Variants in SMG6 observed in about 807,000 individuals in gnomAD.
SMG6 encodes the protein SMG6 nonsense mediated mRNA decay factor.
A neutral mutation model predicts 142.2 loss-of-function variants in SMG6; 66 were observed. That is an observed-to-expected ratio of 0.46 (90% CI 0.38 to 0.57). The LOEUF is 0.57. Among genes scored for constraint, SMG6 ranks in the 20% least tolerant of loss-of-function variants. The pLI is 0.00. For missense variants in SMG6, 1,793 were observed against 1,832.0 expected (o/e 0.98, Z 0.39); for synonymous variants, 779 against 702.4 (o/e 1.11, Z -1.72).
chr17:2,066,750 G>C (rs760183139), intron 16 of SMG6, among the ~76,000 whole-genome samples: 1 of 151,650 alleles, frequency 6.6e-6, no homozygotes, highest in Non-Finnish European at 1.5e-5. Flanking sequence ...GCATGGCTGA[G>C]GTTGGGAAGC....
At chr17:2,262,621 T>C (rs967259303) in intron 8 of SMG6, among the ~76,000 whole-genome samples, 2 of 152,252 alleles carry the variant, frequency 1.3e-5, no homozygotes, top group Non-Finnish European at 2.9e-5. Context: ...AGGACAAAGA[T>C]TACCTTTCTA....
intron 13 of SMG6, among the ~76,000 whole-genome samples, chr17:2,094,364 A>G (rs2151458096): frequency 6.6e-6 from 1 of 152,116 alleles, no homozygotes; most frequent in African/African-American, 2.4e-5. Context: ...GATTCTTCCT[A>G]AGTAGCTGGG....
chr17:2,222,396 CCAAA>C (rs2073195603), intron 10 of SMG6, among the ~76,000 whole-genome samples: 6 of 151,620 alleles, frequency 4.0e-5, no homozygotes. Context: ...GCAGAACATT[CCAAA>C]CAGAGAAAAC....
At chr17:2,117,300 T>C (rs2069538425) in intron 13 of SMG6, among the ~76,000 whole-genome samples, 1 of 151,600 alleles carries the variant, frequency 6.6e-6, no homozygotes, top group East Asian at 1.9e-4. Context: ...CTAGTGGAGA[T>C]CTCAGACACT....
chr17:2,224,838 C>A (rs748873715), intron 10 of SMG6, among the ~76,000 whole-genome samples: 2 of 152,222 alleles, frequency 1.3e-5, no homozygotes, highest in African/African-American at 4.8e-5. Context: ...AACTGTGGAA[C>A]ATCAAAGATT....
At chr17:2,171,238 T>C (rs112309103) in intron 13 of SMG6, among the ~76,000 whole-genome samples, 7 of 152,038 alleles carry the variant, frequency 4.6e-5, no homozygotes, top group Non-Finnish European at 8.8e-5. Context: ...TGTGCCACCA[T>C]ACTCCAGCCT....
At chr17:2,300,805 G>A in intron 1 of SMG6, 141 bp from the exon 2 acceptor site, 1 of 726,832 alleles carries the variant, frequency 1.4e-6, no homozygotes, top group Non-Finnish European at 2.2e-6. Flanking sequence ...ATACTGGTAG[G>A]CAAAGAAGGA....
At chr17:2,091,598 T>C (rs943837563) in intron 13 of SMG6, among the ~76,000 whole-genome samples, 5 of 152,132 alleles carry the variant, frequency 3.3e-5, no homozygotes, top group Non-Finnish European at 7.4e-5. Flanking sequence ...TATTTCACTC[T>C]TTCCCTACCC....
At chr17:2,249,371 C>A (rs1178180151) in intron 8 of SMG6, among the ~76,000 whole-genome samples, 2 of 152,218 alleles carry the variant, frequency 1.3e-5, no homozygotes, top group Non-Finnish European at 2.9e-5. Context: ...TCACGGCTCA[C>A]TGCAGCCTCT....
At chr17:2,244,898 G>A (rs534643451) in intron 8 of SMG6, 179 bp from the exon 9 acceptor site, 26 of 595,110 alleles carry the variant, frequency 4.4e-5, no homozygotes, top group Non-Finnish European at 6.6e-5. Flanking sequence ...AACAGCTGCC[G>A]CTCAGCTGAG....
chr17:2,186,129 G>A (rs536263339), intron 12 of SMG6, among the ~76,000 whole-genome samples: 10 of 152,092 alleles, frequency 6.6e-5, no homozygotes, highest in South Asian at 2.1e-4. Context: ...TCAGGAGGCC[G>A]AGGCAGGAGG....
Position 2,146,447 on chromosome 17 carries a change from C to T in SMG6, c.3357+26211G>A, listed in dbSNP as rs566743817. On this transcript the variant is annotated intron_variant, in intron 13 of 18. Coordinates refer to ENST00000263073, the MANE Select transcript of SMG6 (RefSeq NM_017575.5). ...CTGTTCCCCTTACCTACCAAAGAAA[C>T]ATACAGCCTTTGGTCTAAGACAAAA... 5.3e-5 allele frequency among the ~76,000 whole-genome samples: 8 copies of T among 152,330 alleles called. No individual in the cohort carries two copies. In the South Asian group the frequency reaches 1.0e-3, roughly 20 times the overall value.
chr17:2,285,785 C>T (rs948790766), intron 6 of SMG6, among the ~76,000 whole-genome samples: 4 of 152,094 alleles, frequency 2.6e-5, no homozygotes, highest in African/African-American at 4.8e-5. Context: ...GCAATTCTCC[C>T]GCCTCAGCCT....
At chr17:2,111,006 G>A (rs1198773662) in intron 13 of SMG6, among the ~76,000 whole-genome samples, 2 of 152,176 alleles carry the variant, frequency 1.3e-5, no homozygotes, top group Non-Finnish European at 2.9e-5. Flanking sequence ...CCTTATCAGA[G>A]GAGCTCGTAG....
chr17:2,124,496 G>A (rs930917811), intron 13 of SMG6, among the ~76,000 whole-genome samples: 5 of 152,290 alleles, frequency 3.3e-5, no homozygotes, highest in East Asian at 1.9e-4. Context: ...GCAGAGAGTC[G>A]TAACAGAGTG....
At position 2,236,520 on chromosome 17, in the gene SMG6, C is replaced by T. The variant is rs1383300110; in HGVS notation, c.2841G>A (p.Met947Ile). Residue 947 changes from methionine to isoleucine, a missense_variant, in exon 10 of 19, where the codon ATG (methionine) becomes ATA (isoleucine). Transcript: ENST00000263073. ...TRMLQLMTIN[M>I]FAVHNSQLKD... ...TCAGCTGGGAGTTGTGTACTGCAAA[C>T]ATATTGATGGTCATAAGCTGCAGCA... 1.2e-6 allele frequency: 2 copies of T among 1,613,024 alleles called. No homozygotes were observed. Among genetic ancestry groups the T allele is most frequent in the South Asian group, 1.1e-5 (1 of 90,744 alleles).
In SMG6 at chr17:2,292,918, C is replaced by T; in HGVS notation, c.2211G>A (p.Arg737=). The T allele has an allele frequency of 6.2e-7, 1 of 1,614,138 alleles. No individual in the cohort carries two copies. The highest frequency in any genetic ancestry group is 1.1e-5 in the South Asian group (1 of 91,084). Reference sequence around the variant, plus strand: ...CTGTATCACTGGCTTGCTCCCGGTACCTAGCAATATCTCCTTGGCATATCA... The same window carrying T: ...CTGTATCACTGGCTTGCTCCCGGTATCTAGCAATATCTCCTTGGCATATCA... ...RCMICQGDIA[R]YREQASDTAN... Residue 737 remains arginine (R), a synonymous_variant, in exon 5 of 19, where the codon AGG becomes AGA. Coordinates refer to ENST00000263073, the MANE Select transcript of SMG6 (RefSeq NM_017575.5).
intron 8 of SMG6, among the ~76,000 whole-genome samples, chr17:2,270,078 G>C (rs547629796): frequency 6.6e-6 from 1 of 152,204 alleles, no homozygotes; most frequent in South Asian, 2.1e-4. Flanking sequence ...ACTTTCCAAA[G>C]CTCTGCACTA....
chr17:2,124,937 A>G (rs781717229), intron 13 of SMG6, among the ~76,000 whole-genome samples: 2 of 152,212 alleles, frequency 1.3e-5, no homozygotes. Context: ...TGCTGTTCCC[A>G]TGAGAACCCC....
Sources: gnomAD v4.1 joint callset for allele counts (sites outside exome capture counted in the v4.1 genomes callset) on GRCh38, gnomAD v4.1.1 for gene constraint, MANE v1.5 for transcripts, NCBI Gene and HGNC (gene_info 2026-07-23, HGNC 2026-07-21) for gene names.